Variants in DNAH2 observed in about 807,000 individuals in gnomAD.
DNAH2 encodes axonemal beta dynein heavy chain 2.
A neutral mutation model predicts 523.5 loss-of-function variants in DNAH2; 323 were observed. That is an observed-to-expected ratio of 0.62 (90% CI 0.56 to 0.68). The LOEUF (loss-of-function observed/expected upper bound fraction) is 0.68, where lower values mean the gene tolerates loss of function less well. DNAH2 is among the 30% of genes least tolerant of loss of function. The pLI is 0.00. For missense variants in DNAH2, 4,907 were observed against 5,701.5 expected (o/e 0.86, Z 4.49); for synonymous variants, 2,093 against 2,177.4 (o/e 0.96, Z 1.08).
chr17:7,825,931 G>A (rs895980294), intron 77 of DNAH2, among the ~76,000 whole-genome samples: 19 of 152,314 alleles, frequency 1.2e-4, no homozygotes, highest in Admixed American at 9.8e-4. Flanking sequence ...CAGGCATGGT[G>A]GCTCAGGCCG....
intron 63 of DNAH2, among the ~76,000 whole-genome samples, chr17:7,811,474 G>C (rs915946386): frequency 6.6e-6 from 1 of 152,130 alleles, no homozygotes; most frequent in Non-Finnish European, 1.5e-5. Flanking sequence ...CTCAGCTGAG[G>C]GGTTATCTCA....
chr17:7,817,257 C>T, intron 64 of DNAH2, 33 bp from the exon 65 acceptor site: 1 of 1,576,350 alleles, frequency 6.3e-7, no homozygotes, highest in Non-Finnish European at 8.6e-7. Context: ...GTGCTGGGGC[C>T]CAGGCAGGCT....
Position 7,798,491 on chromosome 17 carries a change from A to C in DNAH2, c.8399-67A>C. On this transcript the variant is annotated intron_variant, in intron 54 of 85. Transcript: ENST00000572933. This position sits in a 1 kb window ranked among gnomAD's most constrained non-coding sequence, Gnocchi z 5.5. ...GGGGCGGGGAGGGTTCCTAAATCTCAGAAAAGGAATCAAGCCCAGGATGGG... is the reference window on the plus strand; with the variant it reads ...GGGGCGGGGAGGGTTCCTAAATCTCCGAAAAGGAATCAAGCCCAGGATGGG... 1 of 1,594,226 alleles carries C rather than the reference A, an allele frequency of 6.3e-7. No homozygotes were observed. The highest frequency in any genetic ancestry group is 8.5e-7 in the Non-Finnish European group (1 of 1,170,446).
At chr17:7,815,894 C>G (rs2077653572) in intron 63 of DNAH2, among the ~76,000 whole-genome samples, 1 of 152,178 alleles carries the variant, frequency 6.6e-6, no homozygotes, top group Non-Finnish European at 1.5e-5. Context: ...CTAGTATACA[C>G]AGCTCTGCCC....
At chr17:7,765,214 C>CTCTCTGACTCCCCCA (rs1567661667) in intron 20 of DNAH2, among the ~76,000 whole-genome samples, 177 bp from the exon 21 acceptor site, 1 of 151,524 alleles carries the variant, frequency 6.6e-6, no homozygotes, top group African/African-American at 2.4e-5. Context: ...TCATCCTCCA[C>CTCTCTGACTCCCCCA]GCATGAGAGG....
At chr17:7,733,433 T>A in intron 5 of DNAH2, 118 bp downstream of exon 5, 1 of 918,430 alleles carries the variant, frequency 1.1e-6, no homozygotes, top group Non-Finnish European at 1.6e-6. Context: ...TCAGCATGCT[T>A]ATCGAATTGG....
At chr17:7,732,199 C>G (rs1397278139) in intron 4 of DNAH2, among the ~76,000 whole-genome samples, 1 of 151,742 alleles carries the variant, frequency 6.6e-6, no homozygotes, top group Non-Finnish European at 1.5e-5. Flanking sequence ...CTTTGGGAGG[C>G]CGAGGCAGAT....
chr17:7,792,208 G>A, intron 45 of DNAH2, 44 bp from the exon 46 acceptor site: 3 of 1,607,124 alleles, frequency 1.9e-6, no homozygotes, highest in Non-Finnish European at 2.6e-6. Flanking sequence ...GCTGGAGAAG[G>A]CTCAAGGAAG....
Position 7,733,265 on chromosome 17 carries a change from T to C in DNAH2, c.578T>C (p.Ile193Thr), listed in dbSNP as rs1567610843. 1 of 1,614,050 alleles carries C rather than the reference T, an allele frequency of 6.2e-7. No individual in the cohort carries two copies. Among genetic ancestry groups the C allele is most frequent in the Admixed American group, 1.7e-5 (1 of 59,998 alleles). ...GCAAACACAGGCTGGCCTGAGAGCA[T>C]TAGAAATCATTTTGCTTCTCATCTG... ...IFANTGWPES[I>T]RNHFASHLHK... The change falls in exon 5 of 86, where the codon ATT becomes ACT. Residue 193 changes from isoleucine (I) to threonine (T), a missense_variant. Transcript: ENST00000572933.
chr17:7,742,858 C>CGCCGTA, intron 11 of DNAH2, 70 bp from the exon 12 acceptor site: 1 of 1,206,736 alleles, frequency 8.3e-7, no homozygotes, highest in Non-Finnish European at 1.1e-6. Flanking sequence ...ATGTGTAGGT[C>CGCCGTA]TCAGGGAGAT....
At chr17:7,789,172 C>G (rs201203568) in intron 44 of DNAH2, among the ~76,000 whole-genome samples, 1 of 45,236 alleles carries the variant, frequency 2.2e-5, no homozygotes, top group Non-Finnish European at 8.6e-5. Context: ...TCTCAAAAAA[C>G]AAAAACAAAA....
chr17:7,818,471 G>C lies in DNAH2; in HGVS notation c.10536+11G>C. 1 of 1,614,064 alleles carries C rather than the reference G, an allele frequency of 6.2e-7. No individual in the cohort carries two copies. Among genetic ancestry groups the C allele is most frequent in the South Asian group, 1.1e-5 (1 of 91,076 alleles). On this transcript the variant is annotated intron_variant, in intron 69 of 85. Transcript: ENST00000572933. Reference sequence around the variant, plus strand: ...GCTGTTAAAGAACAGGTGGGTACAGGCTGAGGTCCAGACTGAGCTAGGGTG... The same window carrying C: ...GCTGTTAAAGAACAGGTGGGTACAGCCTGAGGTCCAGACTGAGCTAGGGTG...
rs149103831 is a variant in DNAH2, at chr17:7,768,245, C to T, written c.3919C>T (p.Arg1307Trp). 1.7e-4 allele frequency: 267 copies of T among 1,614,172 alleles called. 1 individual carries two copies. In the African/African-American group the frequency reaches 2.9e-3, roughly 18 times the overall value. Residue 1307 changes from arginine to tryptophan, a missense_variant, in exon 24 of 86, where the codon CGG becomes TGG. Physicochemically the swap from Arg to Trp is moderately radical, Grantham distance 101 (BLOSUM62 -3). Around this residue, in one of 3 missense-constraint regions of DNAH2, gnomAD observed 2,806 missense variants for 3,190.8 expected, o/e 0.88. Coordinates refer to ENST00000572933, the MANE Select transcript of DNAH2 (RefSeq NM_020877.5). The stretch of plus-strand genomic sequence containing the variant: ...GACCATGCCTCTCATCTCAGACCTG[C>T]GGAACCCTGCCCTTAGAGAGAGGTG... ...KRTMPLISDL[R>W]NPALRERHWD...
intron 12 of DNAH2, among the ~76,000 whole-genome samples, chr17:7,748,074 T>G (rs1256757408): frequency 6.6e-6 from 1 of 152,250 alleles, no homozygotes; most frequent in African/African-American, 2.4e-5. Context: ...CAGTCCCTAA[T>G]AGCACTGATT....
rs1159591403 is a variant in DNAH2 at position 7,777,554 on chromosome 17, T to G, written c.5167T>G (p.Leu1723Val). 1 of 1,614,156 alleles carries G rather than the reference T, an allele frequency of 6.2e-7. No individual in the cohort carries two copies. The highest frequency in any genetic ancestry group is 1.1e-5 in the South Asian group (1 of 91,082). ...GATAGAAATTCATGCCCGGGATGTG[T>G]TGGAGAAGCTTTACAAGAGTGGCCT... ...VTIEIHARDV[L>V]EKLYKSGLMD... The change falls in exon 33 of 86, where the codon TTG (leucine) becomes GTG (valine). Residue 1723 changes from leucine to valine, a missense_variant. Physicochemically the swap from Leu to Val is conservative, Grantham distance 32 (BLOSUM62 1). Around this residue, in one of 3 missense-constraint regions of DNAH2, gnomAD observed 2,806 missense variants for 3,190.8 expected, o/e 0.88. Transcript: ENST00000572933.
At chr17:7,774,543 A>G (rs748369102) in intron 28 of DNAH2, among the ~76,000 whole-genome samples, 1 of 152,236 alleles carries the variant, frequency 6.6e-6, no homozygotes, top group Non-Finnish European at 1.5e-5. Context: ...AAACGGTAAC[A>G]TGTACAATAG....
rs532848251 is a variant in DNAH2 at position 7,766,391 on chromosome 17, C to T, written c.3585C>T (p.Ala1195=). The change falls in exon 22 of 86, where the codon GCC becomes GCT. Residue 1195 remains alanine, a synonymous_variant. Transcript: ENST00000572933. ...QITQVRAMLM[A]MREEENSLRA... ...CACAAGTGCGGGCCATGCTGATGGC[C>T]ATGCGGGAAGAGGAAAATAGTCTCC... 1 of 1,614,052 alleles carries T rather than the reference C, an allele frequency of 6.2e-7. No individual in the cohort carries two copies. Among genetic ancestry groups the T allele is most frequent in the Admixed American group, 1.7e-5 (1 of 60,014 alleles).
Position 7,754,557 on chromosome 17 carries a change from C to T in DNAH2, c.1905-2534C>T. The T allele has an allele frequency of 2.9e-6, 4 of 1,364,096 alleles. No homozygotes were observed. The highest frequency in any genetic ancestry group is 3.5e-5 in the Admixed American group (2 of 57,668). 84.5% of individuals were successfully genotyped at this position (1,364,096 alleles called of 1,614,324 possible). On this transcript the variant is annotated intron_variant, in intron 12 of 85. Transcript: ENST00000572933. This position sits in a 1 kb window ranked among gnomAD's most constrained non-coding sequence, Gnocchi z 4.6. ...ACAAAAGAAGGGCCTAAAGAAGATG[C>T]ACACCAACAATGCCAAGGCCATGAG...
chr17:7,796,881 G>A (rs1039498397), intron 50 of DNAH2, among the ~76,000 whole-genome samples: 1 of 147,332 alleles, frequency 6.8e-6, no homozygotes, highest in African/African-American at 2.5e-5. Context: ...CCTGAGGTTA[G>A]GAGTTCAAGA....
Sources: allele counts gnomAD v4.1 joint callset (sites outside exome capture counted in the v4.1 genomes callset), GRCh38; gene constraint gnomAD v4.1.1; regional missense constraint gnomAD v4.1.1; non-coding constraint Gnocchi (gnomAD v3.1); transcripts MANE v1.5; gene names NCBI Gene and HGNC (gene_info 2026-07-23, HGNC 2026-07-21).